Variants in ARHGAP6 observed in about 807,000 individuals in gnomAD.
ARHGAP6 encodes the protein Rho GTPase activating protein 6.
ARHGAP6 carries 16 observed loss-of-function variants against 55.7 expected under a neutral mutation model. The ratio of observed to expected loss-of-function variants is 0.29; its 90% CI spans 0.19 to 0.44. The LOEUF (loss-of-function observed/expected upper bound fraction) is 0.44, where lower values mean the gene tolerates loss of function less well. ARHGAP6 is among the 20% of genes least tolerant of loss of function. The pLI, the probability that ARHGAP6 is intolerant of heterozygous loss-of-function variation, is 1.00. For synonymous variants in ARHGAP6, 382 were observed against 360.9 expected (o/e 1.06, Z -0.66); for missense variants, 698 against 808.9 (o/e 0.86, Z 1.66).
Position 11,258,649 on chromosome X carries a change from A to G in ARHGAP6, c.589-3942T>C, listed in dbSNP as rs756353928. Reference sequence around the variant, plus strand: ...TACAAATGACTACAGTTAGCATAATAAAAAGTAAAGTGCGATGCTTCAAGT... The same window carrying G: ...TACAAATGACTACAGTTAGCATAATGAAAAGTAAAGTGCGATGCTTCAAGT... On this transcript the variant is annotated intron_variant, in intron 1 of 12. Transcript: ENST00000337414. Among the ~76,000 whole-genome samples, 6 of 111,929 alleles carry G rather than the reference A, an allele frequency of 5.4e-5. No individual in the cohort carries two copies. In the East Asian group the frequency reaches 1.7e-3, roughly 31 times the overall value.
chrX:11,299,145 C>A (rs1243442902), intron 1 of ARHGAP6, among the ~76,000 whole-genome samples: 1 of 111,699 alleles, frequency 9.0e-6, no homozygotes, highest in Non-Finnish European at 1.9e-5. Context: ...AAGACAAATT[C>A]CTCTAAATGG....
intron 1 of ARHGAP6, among the ~76,000 whole-genome samples, chrX:11,401,073 A>G (rs751745780): frequency 1.3e-4 from 15 of 112,205 alleles, no homozygotes; most frequent in Non-Finnish European, 2.8e-4. Context: ...CCTTGATGGC[A>G]GGATCTGAGA....
At chrX:11,418,527 G>A (rs1172288805) in intron 1 of ARHGAP6, among the ~76,000 whole-genome samples, 1 of 111,212 alleles carries the variant, frequency 9.0e-6, no homozygotes, top group Admixed American at 9.6e-5. Flanking sequence ...TGGGCTTAGA[G>A]GGAAAAAAAA....
chrX:11,252,140 G>A (rs769005409), intron 2 of ARHGAP6, among the ~76,000 whole-genome samples: 2 of 111,645 alleles, frequency 1.8e-5, no homozygotes, highest in Non-Finnish European at 3.8e-5. Flanking sequence ...ATTGTTTTTG[G>A]TAAAGGTTAT....
chrX:11,623,257 A>T (rs922826730), intron 1 of ARHGAP6, among the ~76,000 whole-genome samples: 8 of 111,963 alleles, frequency 7.1e-5, no homozygotes, highest in Non-Finnish European at 1.3e-4. Context: ...CAAAATCCAC[A>T]TACAAAAATT....
chrX:11,340,297 C>CT (rs1209291797), intron 1 of ARHGAP6, among the ~76,000 whole-genome samples: 6 of 112,107 alleles, frequency 5.4e-5, no homozygotes, highest in Non-Finnish European at 9.4e-5. Context: ...TCCCAACTCT[C>CT]TTTTGTACAT....
At chrX:11,569,802 G>C (rs893558483) in intron 1 of ARHGAP6, among the ~76,000 whole-genome samples, 24 of 111,723 alleles carry the variant, frequency 2.1e-4, no homozygotes, top group Non-Finnish European at 3.6e-4. Flanking sequence ...CACCCAAGGG[G>C]TCTCAGGCTT....
chrX:11,645,255 C>A (rs1434794645), intron 1 of ARHGAP6, among the ~76,000 whole-genome samples: 1 of 110,997 alleles, frequency 9.0e-6, no homozygotes, highest in Non-Finnish European at 1.9e-5. Context: ...CTGATTGTGG[C>A]AGTGGCTACA....
intron 1 of ARHGAP6, among the ~76,000 whole-genome samples, chrX:11,503,912 CTT>C (rs756453393): frequency 3.9e-4 from 43 of 111,451 alleles, no homozygotes; most frequent in Non-Finnish European, 5.5e-4. Flanking sequence ...ACATCTGTGT[CTT>C]TTGCAAAACC....
chrX:11,342,300 A>G (rs1348023632), intron 1 of ARHGAP6, among the ~76,000 whole-genome samples: 2 of 111,861 alleles, frequency 1.8e-5, no homozygotes, highest in Non-Finnish European at 3.8e-5. Flanking sequence ...TGACACATAT[A>G]TCATCAATAC....
At chrX:11,323,078 A>T (rs934992814) in intron 1 of ARHGAP6, among the ~76,000 whole-genome samples, 1 of 112,428 alleles carries the variant, frequency 8.9e-6, no homozygotes, top group Admixed American at 9.4e-5. Flanking sequence ...GTTTGTAACA[A>T]TTATTCAGGA....
intron 2 of ARHGAP6, among the ~76,000 whole-genome samples, chrX:11,211,549 T>C (rs1007630952): frequency 4.7e-5 from 5 of 106,490 alleles, no homozygotes; most frequent in African/African-American, 1.7e-4. Flanking sequence ...AGTTTTGTTG[T>C]TGTTGTTGTT....
intron 1 of ARHGAP6, among the ~76,000 whole-genome samples, chrX:11,524,463 C>T (rs757290883): frequency 4.0e-4 from 45 of 112,122 alleles, no homozygotes; most frequent in Admixed American, 9.5e-4. Context: ...TGCCCACTCC[C>T]ACAACCCCAC....
At chrX:11,276,874 A>G (rs1459098463) in intron 1 of ARHGAP6, among the ~76,000 whole-genome samples, 1 of 112,141 alleles carries the variant, frequency 8.9e-6, no homozygotes, top group African/African-American at 3.2e-5. Context: ...ATAATAGAAG[A>G]GCTTGGACAT....
chrX:11,271,371 G>A (rs1478029149), intron 1 of ARHGAP6, among the ~76,000 whole-genome samples: 1 of 111,152 alleles, frequency 9.0e-6, no homozygotes, highest in African/African-American at 3.3e-5. Context: ...AACAAACTAG[G>A]CAAAATAAAA....
At chrX:11,168,268 T>C (rs765035746) in intron 9 of ARHGAP6, among the ~76,000 whole-genome samples, 1 of 112,567 alleles carries the variant, frequency 8.9e-6, no homozygotes, top group South Asian at 3.7e-4. Context: ...AGTACTGACT[T>C]TTGAGGCAGC....
At chrX:11,253,466 T>C (rs1024800424) in intron 2 of ARHGAP6, among the ~76,000 whole-genome samples, 2 of 111,923 alleles carry the variant, frequency 1.8e-5, no homozygotes, top group African/African-American at 6.5e-5. Flanking sequence ...AGAAGCTTCC[T>C]ATCCCTCTTC....
At chrX:11,351,406 C>G (rs1023028232) in intron 1 of ARHGAP6, 3 of 969,997 alleles carry the variant, frequency 3.1e-6, no homozygotes, top group Admixed American at 3.0e-5. Flanking sequence ...TACATGAGAA[C>G]AGTCGACCCA....
intron 1 of ARHGAP6, among the ~76,000 whole-genome samples, chrX:11,305,420 T>A (rs1464952189): frequency 8.9e-6 from 1 of 111,953 alleles, no homozygotes; most frequent in Non-Finnish European, 1.9e-5. Context: ...CCGACAGAAG[T>A]TAGAATAGTT....
Sources: gnomAD v4.1 joint callset for allele counts (sites outside exome capture counted in the v4.1 genomes callset) on GRCh38, gnomAD v4.1.1 for gene constraint, MANE v1.5 for transcripts, NCBI Gene and HGNC (gene_info 2026-07-23, HGNC 2026-07-21) for gene names.